The following HMGA2 variants were observed in gnomAD, a reference collection of about 807,000 sequenced individuals.
The protein encoded by HMGA2 is high mobility group protein HMGI-C.
A neutral mutation model predicts 19.1 loss-of-function variants in HMGA2; 8 were observed. The observed-to-expected ratio is 0.42, with a 90% CI of 0.25 to 0.76. The LOEUF is 0.76. Ranked by LOEUF, HMGA2 falls within the 30% of genes least tolerant of loss-of-function variation. The probability of loss-of-function intolerance (pLI) is 0.28; values close to 1 mark genes in which losing one functional copy is unlikely to be tolerated. For synonymous variants in HMGA2, 60 were observed against 48.8 expected (o/e 1.23, Z -0.96); for missense variants, 109 against 136.3 (o/e 0.80, Z 1.00).
intron 3 of HMGA2, among the ~76,000 whole-genome samples, chr12:65,890,614 A>G (rs1873861091): frequency 2.0e-5 from 3 of 151,634 alleles, no homozygotes; most frequent in Middle Eastern, 3.4e-3. Flanking sequence ...CTCCCTCACA[A>G]CCCCCATGCA....
chr12:65,853,812 G>A (rs1262995668), intron 3 of HMGA2, among the ~76,000 whole-genome samples: 1 of 152,148 alleles, frequency 6.6e-6, no homozygotes, highest in Non-Finnish European at 1.5e-5. Context: ...TCTCTCTCTG[G>A]ATCTCAAATA....
At chr12:65,906,851 A>G (rs1874614619) in intron 3 of HMGA2, among the ~76,000 whole-genome samples, 1 of 152,218 alleles carries the variant, frequency 6.6e-6, no homozygotes, top group African/African-American at 2.4e-5. Context: ...AACCATGCTT[A>G]TAAGATATTA....
At chr12:65,960,774 A>G (rs1876731004) in intron 4 of HMGA2, among the ~76,000 whole-genome samples, 1 of 152,248 alleles carries the variant, frequency 6.6e-6, no homozygotes, top group Admixed American at 6.5e-5. Context: ...GTCAGCAGAA[A>G]GATACATTAA....
intron 3 of HMGA2, among the ~76,000 whole-genome samples, chr12:65,896,713 A>C (rs2121156906): frequency 6.6e-6 from 1 of 152,330 alleles, no homozygotes; most frequent in South Asian, 2.1e-4. Flanking sequence ...TACTGATCTG[A>C]TCTACAGTAG....
At chr12:65,852,468 ACTCTG>A (rs2120932319) in intron 3 of HMGA2, among the ~76,000 whole-genome samples, 1 of 152,246 alleles carries the variant, frequency 6.6e-6, no homozygotes, top group Admixed American at 6.5e-5. Flanking sequence ...GCACCACTGT[ACTCTG>A]GCCTGGGTGA....
intron 3 of HMGA2, chr12:65,857,805 T>C (rs1871821478): frequency 6.6e-6 from 1 of 152,246 alleles, no homozygotes; most frequent in Admixed American, 6.5e-5. Context: ...TAGCTTCAAA[T>C]ATACCTCTTC....
At chr12:65,878,573 A>G (rs778556457) in intron 3 of HMGA2, among the ~76,000 whole-genome samples, 16 of 152,216 alleles carry the variant, frequency 1.1e-4, no homozygotes, top group Non-Finnish European at 1.2e-4. Flanking sequence ...GTTTCAACAC[A>G]TATCTGTTTT....
intron 4 of HMGA2, among the ~76,000 whole-genome samples, chr12:65,960,725 T>C (rs978057908): frequency 2.0e-5 from 3 of 152,244 alleles, no homozygotes; most frequent in Admixed American, 1.3e-4. Flanking sequence ...CCTAGTCATG[T>C]TCCCAGTACT....
intron 3 of HMGA2, among the ~76,000 whole-genome samples, chr12:65,886,462 C>T (rs1316323006): frequency 2.0e-5 from 3 of 151,676 alleles, no homozygotes; most frequent in Non-Finnish European, 2.9e-5. Flanking sequence ...CAGGTTCAAG[C>T]GATTCTCCTG....
intron 3 of HMGA2, chr12:65,935,021 A>G (rs1875843231): frequency 1.3e-5 from 2 of 152,200 alleles, no homozygotes; most frequent in South Asian, 4.1e-4. Context: ...AAACCCTCCC[A>G]TGTAACCCTG....
At position 65,827,992 on chromosome 12, in the gene HMGA2, C is replaced by G. The variant is rs1180193004; in HGVS notation, c.112-9C>G. 6.2e-7 allele frequency: 1 copy of G among 1,602,902 alleles called. No homozygotes were observed. Among genetic ancestry groups the G allele is most frequent in the Admixed American group, 1.7e-5 (1 of 59,858 alleles). On this transcript the variant is annotated splice_polypyrimidine_tract_variant and intron_variant, in intron 1 of 4. Coordinates refer to ENST00000403681, the MANE Select transcript of HMGA2 (RefSeq NM_003483.6). ...GCCACAACAGCATTTTTTTTTCCCT[C>G]ACAATTAGGAACCAACCGGTGAGCC...
rs569111040 is a variant in HMGA2 at position 65,869,184 on chromosome 12, G to C, written c.249+30615G>C. On this transcript the variant is annotated intron_variant, in intron 3 of 4. Coordinates refer to ENST00000403681, the MANE Select transcript of HMGA2 (RefSeq NM_003483.6). ...AGGGTTCTCTGGGCCAAGTTAGTTC[G>C]AGTATTTATCATTTAAATTAGGAAA... 3.9e-5 allele frequency among the ~76,000 whole-genome samples: 6 copies of C among 152,208 alleles called. No individual in the cohort carries two copies. The South Asian group carries it at 1.2e-3, about 32-fold the overall frequency.
intron 2 of HMGA2, among the ~76,000 whole-genome samples, chr12:65,830,221 G>A (rs1870419829): frequency 6.6e-6 from 1 of 151,894 alleles, no homozygotes; most frequent in Non-Finnish European, 1.5e-5. Context: ...ATCGTTCATG[G>A]CATGTGTAAA....
At chr12:65,851,967 T>C (rs1871495062) in intron 3 of HMGA2, among the ~76,000 whole-genome samples, 1 of 152,192 alleles carries the variant, frequency 6.6e-6, no homozygotes, top group African/African-American at 2.4e-5. Context: ...ATATCTTCTT[T>C]GTCTTCCTGT....
chr12:65,957,707 A>T (rs927385093), intron 4 of HMGA2: 9 of 152,124 alleles, frequency 5.9e-5, no homozygotes, highest in Admixed American at 1.3e-4. Context: ...TCCAGATTTT[A>T]AAAAAATGGC....
intron 3 of HMGA2, among the ~76,000 whole-genome samples, chr12:65,951,063 G>A (rs1296375162): frequency 6.6e-6 from 1 of 152,016 alleles, no homozygotes; most frequent in Non-Finnish European, 1.5e-5. Flanking sequence ...TGAGTAGCTG[G>A]GACTACAGTT....
intron 3 of HMGA2, among the ~76,000 whole-genome samples, chr12:65,923,619 G>T (rs1242950062): frequency 6.6e-6 from 1 of 152,204 alleles, no homozygotes; most frequent in East Asian, 1.9e-4. Flanking sequence ...TGGGAACCTA[G>T]AAGAGTATGG....
Position 65,965,427 on chromosome 12 carries a change from C to T in HMGA2, c.*2135C>T. On this transcript the variant is annotated 3_prime_UTR_variant, in exon 5 of 5. Coordinates refer to ENST00000403681, the MANE Select transcript of HMGA2 (RefSeq NM_003483.6). ...GCCAGGAGGTAGTTTCTCATGACGGCTTTTGTCAGTATGGCTTTTAGTACT... is the reference window on the plus strand; with the variant it reads ...GCCAGGAGGTAGTTTCTCATGACGGTTTTTGTCAGTATGGCTTTTAGTACT... 4.9e-6 allele frequency: 1 copy of T among 203,642 alleles called. No homozygotes were observed. The allele number at this position is 203,642 out of a possible 1,614,324, so 12.6% of individuals were successfully genotyped here. A position where few individuals can be genotyped will look rare whatever the true frequency, so the allele number is the denominator to read the frequency against.
chr12:65,964,472 T>A lies in HMGA2; in HGVS notation c.*1180T>A. The A allele has an allele frequency of 4.5e-6, 1 of 220,224 alleles. No individual in the cohort carries two copies. Among genetic ancestry groups the A allele is most frequent in the Non-Finnish European group, 9.1e-6 (1 of 109,652 alleles). 13.6% of individuals were successfully genotyped at this position (220,224 alleles called of 1,614,324 possible). A position where few individuals can be genotyped will look rare whatever the true frequency, so the allele number is the denominator to read the frequency against. On this transcript the variant is annotated 3_prime_UTR_variant, in exon 5 of 5. Transcript: ENST00000403681. ...AAGATGGTTGACCAAGGTGCTTTTC[T>A]TCGGCTTGAGTTCACCATCTCTTCA... is the stretch of plus-strand genomic sequence containing the variant.
Sources: allele counts gnomAD v4.1 joint callset (sites outside exome capture counted in the v4.1 genomes callset), GRCh38; gene constraint gnomAD v4.1.1; transcripts MANE v1.5; gene names NCBI Gene and HGNC (gene_info 2026-07-23, HGNC 2026-07-21).